CATSPERB: variants seen among roughly 807,000 people sequenced by gnomAD.
The protein encoded by CATSPERB is cation channel sperm-associated auxiliary subunit beta.
CATSPERB carries 93 observed loss-of-function variants against 128.3 expected under a neutral mutation model. The observed-to-expected ratio is 0.72, with a 90% CI of 0.61 to 0.86. The LOEUF (loss-of-function observed/expected upper bound fraction) is 0.86, where lower values mean the gene tolerates loss of function less well. CATSPERB is among the 40% of genes least tolerant of loss of function. CATSPERB has a pLI of 0.00. For synonymous variants in CATSPERB, 381 were observed against 448.8 expected (o/e 0.85, Z 1.91); for missense variants, 1,153 against 1,329.5 (o/e 0.87, Z 2.06).
intron 11 of CATSPERB, among the ~76,000 whole-genome samples, chr14:91,680,941 G>A (rs1383663140): frequency 2.6e-5 from 4 of 152,000 alleles, no homozygotes; most frequent in African/African-American, 9.7e-5. Flanking sequence ...CACTACTATT[G>A]ACCACTATTA....
chr14:91,641,325 G>GCC (rs1894495696), intron 15 of CATSPERB, among the ~76,000 whole-genome samples: 1 of 147,850 alleles, frequency 6.8e-6, no homozygotes, highest in Non-Finnish European at 1.5e-5. Context: ...CCTATGTCCT[G>GCC]AATGGTAATG....
chr14:91,618,989 AAC>A (rs1893994067), intron 19 of CATSPERB, among the ~76,000 whole-genome samples: 1 of 152,210 alleles, frequency 6.6e-6, no homozygotes, highest in Non-Finnish European at 1.5e-5. Flanking sequence ...TTTCTGCAGA[AAC>A]AGGCAACTTA....
At position 91,693,042 on chromosome 14, in the gene CATSPERB, C is replaced by T. The variant is rs1170685488; in HGVS notation, c.831+84G>A. ...AGCATTTCAATTTTAAGATACACCA[C>T]ACATAACTCAAGTATTAAATATTTC... On this transcript the variant is annotated intron_variant, in intron 9 of 26. Transcript: ENST00000256343. 8.3e-6 allele frequency: 8 copies of T among 961,408 alleles called. No individual in the cohort carries two copies. In the East Asian group the frequency reaches 1.2e-4, roughly 14 times the overall value. The allele number at this position is 961,408 out of a possible 1,614,324, so 59.6% of individuals were successfully genotyped here. A position where few individuals can be genotyped will look rare whatever the true frequency, so the allele number is the denominator to read the frequency against.
intron 7 of CATSPERB, among the ~76,000 whole-genome samples, chr14:91,699,079 C>T (rs557573137): frequency 6.6e-6 from 1 of 152,282 alleles, no homozygotes; most frequent in African/African-American, 2.4e-5. Flanking sequence ...TATATGTATG[C>T]CACACTTTCT....
intron 13 of CATSPERB, among the ~76,000 whole-genome samples, chr14:91,671,811 C>G (rs896155293): frequency 2.6e-5 from 4 of 151,966 alleles, no homozygotes; most frequent in Admixed American, 2.0e-4. Flanking sequence ...GCGGGCAGAT[C>G]ACGAGGTCAG....
In CATSPERB at chr14:91,680,636, G is replaced by A. The variant is rs573999500; in HGVS notation, c.931+3241C>T. On this transcript the variant is annotated intron_variant, in intron 11 of 26. Transcript: ENST00000256343. ...TAAGTCTTTTGACTCTAAGTTCCTT[G>A]GCCATAGGTGTCCCACTGGAGGGCA... Among the ~76,000 whole-genome samples, 24 of 152,134 alleles carry A rather than the reference G, an allele frequency of 1.6e-4. No individual in the cohort carries two copies. The East Asian group carries it at 3.7e-3, about 23-fold the overall frequency.
In CATSPERB at chr14:91,708,228, C is replaced by T. The variant is rs747431582; in HGVS notation, c.379G>A (p.Ala127Thr). Residue 127 changes from alanine (A) to threonine (T), a missense_variant, in exon 6 of 27, where the codon GCT becomes ACT. Physicochemically the swap from Ala to Thr is moderately conservative, Grantham distance 58. Coordinates refer to ENST00000256343, the MANE Select transcript of CATSPERB (RefSeq NM_024764.4). ...ATTCTTACTAACCATTCTTCTACAG[C>T]TGCAATATCTGTTTGAAAACAAAAG... is the stretch of plus-strand genomic sequence containing the variant. The part of the protein sequence containing the change: ...ENITQSTDIA[A>T]VEEWLVRITL... 24 of 1,594,374 alleles carry T rather than the reference C, an allele frequency of 1.5e-5. No homozygotes were observed. The highest frequency in any genetic ancestry group is 2.0e-5 in the Non-Finnish European group (23 of 1,168,228).
intron 4 of CATSPERB, among the ~76,000 whole-genome samples, chr14:91,721,443 A>G (rs1896027818): frequency 6.6e-6 from 1 of 152,250 alleles, no homozygotes; most frequent in South Asian, 2.1e-4. Flanking sequence ...GAATGTATTC[A>G]AGGGACTAAT....
chr14:91,669,966 T>C lies in CATSPERB; in HGVS notation c.1135A>G (p.Lys379Glu). ...GTGCTCACAGAGGCAATGGCAGTTTTCCTGACCTAGGTAAACAAAGAATGA... is the reference window on the plus strand; with the variant it reads ...GTGCTCACAGAGGCAATGGCAGTTTCCCTGACCTAGGTAAACAAAGAATGA... ...GVYLFYNKVR[K>E]TAIASVSTLR... The change falls in exon 14 of 27, where the codon AAA (lysine) becomes GAA (glutamate). Residue 379 changes from lysine (K) to glutamate (E), a missense_variant. Physicochemically the swap from Lys to Glu is moderately conservative, Grantham distance 56. Coordinates refer to ENST00000256343, the MANE Select transcript of CATSPERB (RefSeq NM_024764.4). The C allele has an allele frequency of 1.2e-6, 2 of 1,611,770 alleles. No homozygotes were observed. The highest frequency in any genetic ancestry group is 1.7e-6 in the Non-Finnish European group (2 of 1,179,274).
At chr14:91,715,376 A>G (rs1241133749) in intron 5 of CATSPERB, among the ~76,000 whole-genome samples, 1 of 151,946 alleles carries the variant, frequency 6.6e-6, no homozygotes, top group Non-Finnish European at 1.5e-5. Context: ...AGCCTGGCCA[A>G]CATGGCGAAA....
At chr14:91,653,277 T>C (rs1894738733) in intron 15 of CATSPERB, among the ~76,000 whole-genome samples, 1 of 152,190 alleles carries the variant, frequency 6.6e-6, no homozygotes, top group Admixed American at 6.5e-5. Context: ...GTTTTTCTAA[T>C]TTCTGTTAGA....
chr14:91,693,547 AGC>A (rs1895508123), intron 7 of CATSPERB, 68 bp from the exon 8 acceptor site: 5 of 1,121,942 alleles, frequency 4.5e-6, no homozygotes, highest in Non-Finnish European at 6.8e-6. Flanking sequence ...CAGGGGCAAG[AGC>A]CCAGAGTCCG....
chr14:91,622,818 T>C lies in CATSPERB; in HGVS notation c.1931-881A>G, dbSNP rs1894076051. 2.0e-5 allele frequency among the ~76,000 whole-genome samples: 3 copies of C among 152,134 alleles called. No homozygotes were observed. The South Asian group carries it at 6.2e-4, about 32-fold the overall frequency. On this transcript the variant is annotated intron_variant, in intron 18 of 26. Coordinates refer to ENST00000256343, the MANE Select transcript of CATSPERB (RefSeq NM_024764.4). ...CACTGTCTCCACTCTCCTCTCATAATTTTTCGAACCCATTCCAATCAGACT... is the reference window on the plus strand; with the variant it reads ...CACTGTCTCCACTCTCCTCTCATAACTTTTCGAACCCATTCCAATCAGACT...
intron 22 of CATSPERB, among the ~76,000 whole-genome samples, chr14:91,594,236 C>A (rs559286476): frequency 4.2e-4 from 64 of 151,922 alleles, no homozygotes; most frequent in African/African-American, 1.4e-3. Context: ...GACAAAAAAC[C>A]AAACACCGCA....
chr14:91,630,161 T>G (rs1000187271), intron 17 of CATSPERB, among the ~76,000 whole-genome samples: 1 of 152,232 alleles, frequency 6.6e-6, no homozygotes, highest in Non-Finnish European at 1.5e-5. Context: ...AGTTGATCAC[T>G]CCATACTTTC....
Position 91,732,057 on chromosome 14 carries a change from T to G in CATSPERB, c.-128A>C, listed in dbSNP as rs1482308323. The G allele has an allele frequency of 6.6e-6, 1 of 152,626 alleles. No individual in the cohort carries two copies. Among genetic ancestry groups the G allele is most frequent in the Non-Finnish European group, 1.5e-5 (1 of 68,042 alleles). 9.5% of individuals were successfully genotyped at this position (152,626 alleles called of 1,614,324 possible). ...TTTTCCCTGTTGACTGGCTTAGCAC[T>G]CTAGTCACCTTTGGTAACAGCCAAT... On this transcript the variant is annotated 5_prime_UTR_variant, in exon 1 of 27. Coordinates refer to ENST00000256343, the MANE Select transcript of CATSPERB (RefSeq NM_024764.4).
chr14:91,703,871 C>A (rs1299852959), intron 7 of CATSPERB, among the ~76,000 whole-genome samples: 2 of 152,104 alleles, frequency 1.3e-5, no homozygotes, highest in African/African-American at 2.4e-5. Flanking sequence ...TTTGTGGGAC[C>A]TCCCCAAATT....
At chr14:91,583,673 T>G (rs1392114656) in intron 26 of CATSPERB, among the ~76,000 whole-genome samples, 4 of 152,196 alleles carry the variant, frequency 2.6e-5, no homozygotes, top group Non-Finnish European at 5.9e-5. Context: ...TAAAATACTT[T>G]AATTTGTGTT....
intron 22 of CATSPERB, among the ~76,000 whole-genome samples, chr14:91,598,606 C>A (rs1412594386): frequency 6.6e-6 from 1 of 152,086 alleles, no homozygotes; most frequent in Non-Finnish European, 1.5e-5. Context: ...CACCTGTAAT[C>A]CCGGCACTTT....
Sources: gnomAD v4.1 joint callset for allele counts (sites outside exome capture counted in the v4.1 genomes callset) on GRCh38, gnomAD v4.1.1 for gene constraint, MANE v1.5 for transcripts, NCBI Gene and HGNC (gene_info 2026-07-23, HGNC 2026-07-21) for gene names.